DST: variants seen among roughly 807,000 people sequenced by gnomAD.
DST encodes the protein dystonin.
DST carries 253 observed loss-of-function variants against 875.2 expected under a neutral mutation model. The observed-to-expected ratio is 0.29, with a 90% CI of 0.26 to 0.32. DST has a LOEUF of 0.32. DST is among the 10% of genes least tolerant of loss of function. The pLI is 1.00. For missense variants in DST, 8,287 were observed against 9,111.6 expected (o/e 0.91, Z 3.68); for synonymous variants, 3,124 against 3,197.1 (o/e 0.98, Z 0.77).
chr6:56,784,109 A>G (rs13191388), intron 4 of DST, among the ~76,000 whole-genome samples: 19,088 of 152,066 alleles, frequency 0.13, 1,649 homozygotes, highest in Middle Eastern at 0.2. Flanking sequence ...TAGTCTGATG[A>G]GCTTCCCTTT....
chr6:56,937,522 A>G (rs1360633840), intron 2 of DST, among the ~76,000 whole-genome samples: 1 of 152,228 alleles, frequency 6.6e-6, no homozygotes, highest in Non-Finnish European at 1.5e-5. Context: ...ATTGCCAAGG[A>G]TGTCAAGATA....
rs1282483681 is a variant in DST, at chr6:56,893,562, C to CTT, written c.417+6857_417+6858dup. On this transcript the variant is annotated intron_variant, in intron 3 of 103. Transcript: ENST00000680361. ...TCAAATGGTAGTCCTACTTTTAGTT[C>CTT]TTTTTTTTTTTTTTTTTTTTTTTTT... Among the ~76,000 whole-genome samples the CTT allele has an allele frequency of 1.9e-3, 67 of 35,904 alleles. 4 individuals are homozygous for CTT. The highest frequency in any genetic ancestry group is 2.9e-3 in the Non-Finnish European group (57 of 19,668). The allele number at this position is 35,904 out of a possible 152,430, so 23.6% of individuals were successfully genotyped here.
At chr6:56,823,646 T>C (rs972868893) in intron 4 of DST, among the ~76,000 whole-genome samples, 10 of 152,140 alleles carry the variant, frequency 6.6e-5, no homozygotes, top group Admixed American at 3.3e-4. Context: ...CTTGACCTTG[T>C]GATCCGCCCA....
Position 56,783,366 on chromosome 6 carries a change from C to T in DST, c.626-48077G>A, listed in dbSNP as rs1248057211. On this transcript the variant is annotated intron_variant, in intron 4 of 103. Transcript: ENST00000680361. ...ATTATTGTGTGGGAGTCTAAGTCTCCTTGTAGGTCACTCAGGACTTGCTTT... is the reference window on the plus strand; with the variant it reads ...ATTATTGTGTGGGAGTCTAAGTCTCTTTGTAGGTCACTCAGGACTTGCTTT... Among the ~76,000 whole-genome samples, 343 of 151,482 alleles carry T rather than the reference C, an allele frequency of 2.3e-3. 2 individuals carry two copies. Among genetic ancestry groups the T allele is most frequent in the African/African-American group, 7.3e-3 (301 of 40,986 alleles).
At chr6:56,813,241 G>A (rs1181568041) in intron 4 of DST, among the ~76,000 whole-genome samples, 1 of 111,234 alleles carries the variant, frequency 9.0e-6, no homozygotes, top group South Asian at 4.2e-4. Context: ...TTGTGGGGTG[G>A]GGGGAGGGGG....
chr6:56,849,595 C>T (rs1763972521), intron 4 of DST, among the ~76,000 whole-genome samples: 1 of 152,218 alleles, frequency 6.6e-6, no homozygotes, highest in Non-Finnish European at 1.5e-5. Context: ...CCTTCATGTA[C>T]ACTGCATCCC....
At chr6:56,489,097 T>C (rs915196931) in intron 86 of DST, among the ~76,000 whole-genome samples, 4 of 152,166 alleles carry the variant, frequency 2.6e-5, no homozygotes, top group Admixed American at 1.3e-4. Flanking sequence ...GCAAAATATC[T>C]ATTACTTTTT....
chr6:56,828,027 C>T (rs2099782835), intron 4 of DST, among the ~76,000 whole-genome samples: 1 of 152,214 alleles, frequency 6.6e-6, no homozygotes, highest in Non-Finnish European at 1.5e-5. Context: ...TGCTCCTACT[C>T]TCTAGCTGTG....
chr6:56,459,372 G>A, intron 103 of DST, 105 bp from the exon 104 acceptor site: 1 of 1,215,504 alleles, frequency 8.2e-7, no homozygotes, highest in Non-Finnish European at 1.1e-6. Flanking sequence ...TTCCTGGTGT[G>A]TAGTAGGCAC....
intron 4 of DST, among the ~76,000 whole-genome samples, chr6:56,837,865 G>C (rs1026473753): frequency 1.3e-5 from 2 of 150,786 alleles, no homozygotes; most frequent in African/African-American, 4.9e-5. Context: ...TCTTCTTTTG[G>C]GAGAGATGAA....
intron 32 of DST, 30 bp downstream of exon 32, chr6:56,629,220 T>C (rs756634128): frequency 6.2e-6 from 10 of 1,609,420 alleles, no homozygotes; most frequent in Non-Finnish European, 5.1e-6. Flanking sequence ...ATTAAATCTG[T>C]GCTAAAACTG....
chr6:56,485,186 A>G (rs1163212143), intron 88 of DST, 126 bp downstream of exon 88: 2 of 1,054,326 alleles, frequency 1.9e-6, no homozygotes, highest in Admixed American at 4.6e-5. Context: ...TATTTCAACA[A>G]TAAAGACTGT....
chr6:56,467,207 A>C (rs2094619026), intron 98 of DST: 1 of 152,208 alleles, frequency 6.6e-6, no homozygotes, highest in African/African-American at 2.4e-5. Flanking sequence ...CTTCTTTGTA[A>C]AGCAGGTAAC....
chr6:56,487,441 G>C (rs2095605900), intron 86 of DST, among the ~76,000 whole-genome samples, 168 bp from the exon 87 acceptor site: 1 of 152,268 alleles, frequency 6.6e-6, no homozygotes, highest in East Asian at 1.9e-4. Context: ...GAAAGCCATA[G>C]GGATTCAGTA....
chr6:56,704,662 C>T lies in DST; in HGVS notation c.688-293G>A, dbSNP rs138201496. 2.9e-3 allele frequency among the ~76,000 whole-genome samples: 436 copies of T among 152,264 alleles called. 2 individuals carry two copies. The highest frequency in any genetic ancestry group is 5.3e-3 in the Non-Finnish European group (362 of 68,020). ...GGGGTTACAATTCTTCAAATACGGA[C>T]AATGCCCTGACTTTATTCATGATTC... is the stretch of plus-strand genomic sequence containing the variant. On this transcript the variant is annotated intron_variant, in intron 5 of 103. Transcript: ENST00000680361.
Position 56,501,670 on chromosome 6 carries a change from T to C in DST, c.19590A>G (p.Gln6530=), listed in dbSNP as rs1164897156. 18 of 1,603,074 alleles carry C rather than the reference T, an allele frequency of 1.1e-5. No individual in the cohort carries two copies. Among genetic ancestry groups the C allele is most frequent in the East Asian group, 4.5e-5 (2 of 44,236 alleles). The change falls in exon 79 of 104, where the codon CAA becomes CAG. Residue 6530 remains glutamine, a synonymous_variant. Transcript: ENST00000680361. ...ELKQFKSEAY[Q]QQIEMERLNH... Reference sequence around the variant, plus strand: ...TCAGTCTTTCCATTTCTATCTGCTGTTGATAGGCCTCAGACTTAAATTGCT... The same window carrying C: ...TCAGTCTTTCCATTTCTATCTGCTGCTGATAGGCCTCAGACTTAAATTGCT...
chr6:56,837,979 T>C (rs1286099778), intron 4 of DST, among the ~76,000 whole-genome samples: 2 of 143,990 alleles, frequency 1.4e-5, no homozygotes, highest in East Asian at 1.9e-4. Flanking sequence ...AACAATGACA[T>C]ACTTCAGCAA....
intron 3 of DST, among the ~76,000 whole-genome samples, chr6:56,860,385 T>C (rs1199965828): frequency 6.6e-6 from 1 of 152,116 alleles, no homozygotes; most frequent in East Asian, 1.9e-4. Flanking sequence ...AACAGAAAGC[T>C]TTCAAAATAT....
intron 5 of DST, among the ~76,000 whole-genome samples, chr6:56,730,002 C>T (rs1251637206): frequency 1.3e-5 from 2 of 152,100 alleles, no homozygotes; most frequent in Non-Finnish European, 2.9e-5. Context: ...AGGGCCTCTT[C>T]CTCTCCAAAT....
Sources: allele counts gnomAD v4.1 joint callset (sites outside exome capture counted in the v4.1 genomes callset), GRCh38; gene constraint gnomAD v4.1.1; transcripts MANE v1.5; gene names NCBI Gene and HGNC (gene_info 2026-07-23, HGNC 2026-07-21).